ZNF324: variants seen among roughly 807,000 people sequenced by gnomAD.
ZNF324 encodes the protein zinc finger protein 324.
In ZNF324, 3 loss-of-function variants were observed where a neutral mutation model predicts 10.3. The observed-to-expected ratio is 0.29, with a 90% CI of 0.13 to 0.75. The LOEUF (loss-of-function observed/expected upper bound fraction) is 0.75. Ranked by LOEUF, ZNF324 falls within the 30% of genes least tolerant of loss-of-function variation. The pLI, the probability that ZNF324 is intolerant of heterozygous loss-of-function variation, is 0.69. For synonymous variants in ZNF324, 430 were observed against 339.5 expected (o/e 1.27, Z -2.93); for missense variants, 763 against 784.4 (o/e 0.97, Z 0.33).
At position 58,472,336 on chromosome 19, in the gene ZNF324, C is replaced by G. The variant is rs562139840; in HGVS notation, c.*182C>G. ...TTTGCCAGTTCACCCACAGATCACA[C>G]CTCCATCCCCAAAGAGGTAGCACTG... On this transcript the variant is annotated 3_prime_UTR_variant, in exon 4 of 4. Coordinates refer to ENST00000196482, the MANE Select transcript of ZNF324 (RefSeq NM_014347.3). 39 of 638,356 alleles carry G rather than the reference C, an allele frequency of 6.1e-5. No homozygotes were observed. In the East Asian group the frequency reaches 9.4e-4, roughly 15 times the overall value. The allele number at this position is 638,356 out of a possible 1,614,324, so 39.5% of individuals were successfully genotyped here.
chr19:58,469,748 C>T lies in ZNF324; in HGVS notation c.142C>T (p.Arg48Cys), dbSNP rs534607673. Residue 48 changes from arginine (R) to cysteine (C), a missense_variant, in exon 3 of 4, where the codon CGT becomes TGT. Arg to Cys is a radical substitution (Grantham distance 180). Transcript: ENST00000196482. ...ASLGLSTSRP[R>C]VVIQLERGEE... ...CACAGGACTCTCCACCTCTCGACCT[C>T]GTGTGGTCATCCAACTGGAGCGTGG... is the stretch of plus-strand genomic sequence containing the variant. The T allele has an allele frequency of 2.0e-5, 31 of 1,583,322 alleles. No individual in the cohort carries two copies. The highest frequency in any genetic ancestry group is 2.6e-5 in the Non-Finnish European group (30 of 1,164,748).
intron 3 of ZNF324, among the ~76,000 whole-genome samples, chr19:58,470,199 A>G (rs2122409755): frequency 6.6e-6 from 1 of 152,272 alleles, no homozygotes; most frequent in Non-Finnish European, 1.5e-5. Context: ...CTGAGTGCTC[A>G]CAGTGGTCAG....
chr19:58,472,438 A>G lies in ZNF324; in HGVS notation c.*284A>G. The G allele has an allele frequency of 2.1e-6, 1 of 482,436 alleles. No homozygotes were observed. Among genetic ancestry groups the G allele is most frequent in the Non-Finnish European group, 3.7e-6 (1 of 268,978 alleles). 29.9% of individuals were successfully genotyped at this position (482,436 alleles called of 1,614,324 possible). The stretch of plus-strand genomic sequence containing the variant: ...TATTCAGAGCCAGTAGGAGGCCGAC[A>G]GTCACAGCACTGCACTGTGGTGCGG... On this transcript the variant is annotated 3_prime_UTR_variant, in exon 4 of 4. Transcript: ENST00000196482.
chr19:58,470,918 C>T lies in ZNF324; in HGVS notation c.426C>T (p.Ile142=), dbSNP rs2053024780. ...RERKPTGVSV[I]YWERLLLGSG... is the part of the protein sequence containing the mutation. The stretch of plus-strand genomic sequence containing the variant: ...GAAAACCCACGGGGGTGTCGGTGAT[C>T]TACTGGGAGAGGCTCCTGCTAGGCT... The change falls in exon 4 of 4, where the codon ATC becomes ATT. Residue 142 remains isoleucine, a synonymous_variant. Coordinates refer to ENST00000196482, the MANE Select transcript of ZNF324 (RefSeq NM_014347.3). 6.2e-7 allele frequency: 1 copy of T among 1,614,254 alleles called. No individual in the cohort carries two copies. The highest frequency in any genetic ancestry group is 8.5e-7 in the Non-Finnish European group (1 of 1,180,050).
rs2053050331 is a variant in ZNF324 at position 58,472,909 on chromosome 19, C to A, written c.*755C>A. ...AGGCACACGGCCTGGCCTGGCTTCA[C>A]ACACATAGCCGACTCAGGAGAGGGA... On this transcript the variant is annotated 3_prime_UTR_variant, in exon 4 of 4. Transcript: ENST00000196482. 1 of 152,722 alleles carries A rather than the reference C, an allele frequency of 6.5e-6. No individual in the cohort carries two copies. The highest frequency in any genetic ancestry group is 1.5e-5 in the Non-Finnish European group (1 of 68,118). 9.5% of individuals were successfully genotyped at this position (152,722 alleles called of 1,614,324 possible).
Position 58,470,797 on chromosome 19 carries a change from C to T in ZNF324, c.305C>T (p.Pro102Leu), listed in dbSNP as rs758285210. 7.4e-6 allele frequency: 12 copies of T among 1,614,090 alleles called. No individual in the cohort carries two copies. The African/African-American group carries it at 1.2e-4, about 16-fold the overall frequency. ...GEWPRAFPDTPPGMTTSVFPV... is the reference protein window; with the variant it reads ...GEWPRAFPDTLPGMTTSVFPV... ...TGGCCACGAGCTTTCCCAGATACCC[C>T]ACCTGGGATGACTACTAGCGTCTTC... The change falls in exon 4 of 4, where the codon CCA becomes CTA. Residue 102 changes from proline to leucine, a missense_variant. By Grantham distance (98) the Pro-to-Leu change is moderately conservative. Around this residue, in one of 3 missense-constraint regions of ZNF324, gnomAD observed 379 missense variants for 319.4 expected, o/e 1.19. Transcript: ENST00000196482.
chr19:58,472,268 G>A lies in ZNF324; in HGVS notation c.*114G>A. On this transcript the variant is annotated 3_prime_UTR_variant, in exon 4 of 4. Coordinates refer to ENST00000196482, the MANE Select transcript of ZNF324 (RefSeq NM_014347.3). ...CCCGTGCTTGCTAGTCAGGGACAAG[G>A]GAGGCCCTTTGGCTGTGATTTCATT... 1.7e-6 allele frequency: 2 copies of A among 1,186,392 alleles called. No homozygotes were observed. The highest frequency in any genetic ancestry group is 2.3e-6 in the Non-Finnish European group (2 of 872,706). The allele number at this position is 1,186,392 out of a possible 1,614,324, so 73.5% of individuals were successfully genotyped here. A position where few individuals can be genotyped will look rare whatever the true frequency, so the allele number is the denominator to read the frequency against.
rs140411518 is a variant in ZNF324 at position 58,471,835 on chromosome 19, C to T, written c.1343C>T (p.Thr448Met). The change falls in exon 4 of 4, where the codon ACG becomes ATG. Residue 448 changes from threonine to methionine, a missense_variant. Coordinates refer to ENST00000196482, the MANE Select transcript of ZNF324 (RefSeq NM_014347.3). ...SNLTQHQLLH[T>M]GERPFRCVDC... ...CTCACCCAGCACCAGCTCCTGCACA[C>T]GGGCGAGCGGCCCTTCCGCTGCGTG... The T allele has an allele frequency of 6.3e-5, 101 of 1,612,776 alleles. No homozygotes were observed. The highest frequency in any genetic ancestry group is 8.5e-5 in the Non-Finnish European group (100 of 1,179,860).
chr19:58,470,276 A>T (rs914381060), intron 3 of ZNF324, among the ~76,000 whole-genome samples: 1 of 151,302 alleles, frequency 6.6e-6, no homozygotes, highest in African/African-American at 2.4e-5. Flanking sequence ...TCTGGGGCTC[A>T]TGGTGTGGTG....
In ZNF324 at chr19:58,474,515, G is replaced by GTCCACCCTCC. The variant is rs1392013761; in HGVS notation, c.*2366_*2375dup. ...TTGTGCCCCTGTTGTCCCTCAGTTTGTCCACCCTCCTCCAATCTTCCCCTC... is the reference window on the plus strand; with the variant it reads ...TTGTGCCCCTGTTGTCCCTCAGTTTGTCCACCCTCCTCCACCCTCCTCCAATCTTCCCCTC... On this transcript the variant is annotated 3_prime_UTR_variant, in exon 4 of 4. Transcript: ENST00000196482. 9.9e-5 allele frequency: 15 copies of GTCCACCCTCC among 151,822 alleles called. No homozygotes were observed. The highest frequency in any genetic ancestry group is 3.6e-4 in the African/African-American group (15 of 41,238). 9.4% of individuals were successfully genotyped at this position (151,822 alleles called of 1,614,324 possible).
At position 58,475,368 on chromosome 19, in the gene ZNF324, C is replaced by G. The variant is rs537800755; in HGVS notation, c.*3214C>G. 2.8e-4 allele frequency: 42 copies of G among 152,336 alleles called. No individual in the cohort carries two copies. Among genetic ancestry groups the G allele is most frequent in the Admixed American group, 1.8e-3 (28 of 15,302 alleles). 9.4% of individuals were successfully genotyped at this position (152,336 alleles called of 1,614,324 possible). A position where few individuals can be genotyped will look rare whatever the true frequency, so the allele number is the denominator to read the frequency against. On this transcript the variant is annotated 3_prime_UTR_variant, in exon 4 of 4. Transcript: ENST00000196482. ...CTGTAACACTGCTTATTGGGAGAAA[C>G]TAGTGTCACCCTGGCTAGTTCTGCT...
chr19:58,470,558 C>T (rs1242587272), intron 3 of ZNF324, 173 bp from the exon 4 acceptor site: 4 of 782,274 alleles, frequency 5.1e-6, no homozygotes, highest in Non-Finnish European at 8.9e-6. Context: ...CCATACCTAT[C>T]AGGGCAGATT....
Position 58,471,083 on chromosome 19 carries a change from A to G in ZNF324, c.591A>G (p.Pro197=). Residue 197 remains proline, a synonymous_variant, in exon 4 of 4, where the codon CCA becomes CCG. Coordinates refer to ENST00000196482, the MANE Select transcript of ZNF324 (RefSeq NM_014347.3). The part of the protein sequence containing the change: ...RQPRTPERQK[P]CAQEVPGRTF... Reference sequence around the variant, plus strand: ...CCAGGACGCCTGAGCGGCAGAAACCATGTGCACAGGAGGTCCCTGGGAGAA... The same window carrying G: ...CCAGGACGCCTGAGCGGCAGAAACCGTGTGCACAGGAGGTCCCTGGGAGAA... The G allele has an allele frequency of 8.1e-6, 13 of 1,613,826 alleles. No individual in the cohort carries two copies. Among genetic ancestry groups the G allele is most frequent in the Non-Finnish European group, 1.1e-5 (13 of 1,180,022 alleles).
intron 1 of ZNF324, among the ~76,000 whole-genome samples, 151 bp from the exon 2 acceptor site, chr19:58,469,026 ATTT>A (rs1354144545): frequency 2.6e-5 from 4 of 152,006 alleles, no homozygotes; most frequent in Admixed American, 6.6e-5. Flanking sequence ...TGTTTATGCA[ATTT>A]TTATTTTTTT....
Position 58,469,302 on chromosome 19 carries a change from G to C in ZNF324, c.117G>C (p.Ser39=), listed in dbSNP as rs112293085. 1.4e-4 allele frequency: 227 copies of C among 1,613,842 alleles called. 1 individual carries two copies. The highest frequency in any genetic ancestry group is 2.7e-4 in the Admixed American group (16 of 59,960). The part of the protein sequence containing the change: ...VMLDNFALVA[S]LGLSTSRPRV... ...TAGACAACTTCGCACTTGTGGCCTC[G>C]CTGGGTAAGGTCCTAGATACTCCAT... is the stretch of plus-strand genomic sequence containing the variant. Residue 39 remains serine, a synonymous_variant, in exon 2 of 4, where the codon TCG becomes TCC. Transcript: ENST00000196482.
At chr19:58,468,995 G>A (rs2053004746) in intron 1 of ZNF324, among the ~76,000 whole-genome samples, 185 bp from the exon 2 acceptor site, 3 of 152,208 alleles carry the variant, frequency 2.0e-5, no homozygotes, top group Admixed American at 2.0e-4. Flanking sequence ...ACAAGTTCGT[G>A]AACTTTCTTA....
In ZNF324 at chr19:58,469,619, T is replaced by G. The variant is rs145858217; in HGVS notation, c.122-109T>G. The G allele has an allele frequency of 5.6e-4, 516 of 926,540 alleles. 2 individuals are homozygous for G. In the African/African-American group the frequency reaches 7.2e-3, roughly 13 times the overall value. The allele number at this position is 926,540 out of a possible 1,614,324, so 57.4% of individuals were successfully genotyped here. ...CTGTGCCATCTTTAGATTCTGCAGT[T>G]GCACAGATGACATTTTCTGTTTCCG... is the stretch of plus-strand genomic sequence containing the variant. On this transcript the variant is annotated intron_variant, in intron 2 of 3. Transcript: ENST00000196482.
rs541385862 is a variant in ZNF324 at position 58,468,143 on chromosome 19, G to T, written c.-7+960G>T. ...GATAGAAAGGAGAATTGAAAGGAAAGCAGGTTTCCTTCAGGGGAAAGATCA... is the reference window on the plus strand; with the variant it reads ...GATAGAAAGGAGAATTGAAAGGAAATCAGGTTTCCTTCAGGGGAAAGATCA... On this transcript the variant is annotated intron_variant, in intron 1 of 3. Coordinates refer to ENST00000196482, the MANE Select transcript of ZNF324 (RefSeq NM_014347.3). 3.2e-6 allele frequency: 3 copies of T among 942,072 alleles called. No individual in the cohort carries two copies. The East Asian group carries it at 3.5e-4, about 110-fold the overall frequency. 58.4% of individuals were successfully genotyped at this position (942,072 alleles called of 1,614,324 possible). A position where few individuals can be genotyped will look rare whatever the true frequency, so the allele number is the denominator to read the frequency against.
At position 58,474,315 on chromosome 19, in the gene ZNF324, C is replaced by T. The variant is rs1568614561; in HGVS notation, c.*2161C>T. On this transcript the variant is annotated 3_prime_UTR_variant, in exon 4 of 4. Transcript: ENST00000196482. ...CCATGGGAGTCAGGAGCAAAAGCAT[C>T]TGTCAAACAAGTAGATACCCAGAGA... 2 of 152,182 alleles carry T rather than the reference C, an allele frequency of 1.3e-5. No individual in the cohort carries two copies. The highest frequency in any genetic ancestry group is 2.9e-5 in the Non-Finnish European group (2 of 68,044). 9.4% of individuals were successfully genotyped at this position (152,182 alleles called of 1,614,324 possible).
Sources: gnomAD v4.1 joint callset for allele counts (sites outside exome capture counted in the v4.1 genomes callset) on GRCh38, gnomAD v4.1.1 for gene constraint, gnomAD v4.1.1 regional missense constraint, MANE v1.5 for transcripts, NCBI Gene and HGNC (gene_info 2026-07-23, HGNC 2026-07-21) for gene names.